Variants in SDK2 observed in about 807,000 individuals in gnomAD.
SDK2 encodes protein sidekick-2.
In SDK2, 105 loss-of-function variants were observed where a neutral mutation model predicts 253.9. The ratio of observed to expected loss-of-function variants is 0.41; its 90% CI spans 0.35 to 0.49. The LOEUF is 0.49. Ranked by LOEUF, SDK2 falls within the 20% of genes least tolerant of loss-of-function variation. The probability of loss-of-function intolerance (pLI) is 0.06; values close to 1 mark genes in which losing one functional copy is unlikely to be tolerated. For synonymous variants in SDK2, 1,249 were observed against 1,234.9 expected (o/e 1.01, Z -0.24); for missense variants, 2,608 against 3,003.0 (o/e 0.87, Z 3.07).
At chr17:73,445,530 C>T (rs1010942931) in intron 5 of SDK2, among the ~76,000 whole-genome samples, 18 of 152,086 alleles carry the variant, frequency 1.2e-4, no homozygotes, top group Non-Finnish European at 2.5e-4. Context: ...TTCTGAAGAG[C>T]ATAGGGTCCC....
At position 73,447,319 on chromosome 17, in the gene SDK2, C is replaced by T. The variant is rs1599574835; in HGVS notation, c.613+296G>A. ...ACATGCACACGCTCTTCCTCTGCCC[C>T]ACCCCTCCCTGGGTCCCTGGTAGCC... On this transcript the variant is annotated intron_variant, in intron 5 of 44. Coordinates refer to ENST00000392650, the MANE Select transcript of SDK2 (RefSeq NM_001144952.2). The surrounding 1 kb of genome is among the most constrained non-coding windows in gnomAD (Gnocchi z 4.0). 2.0e-5 allele frequency among the ~76,000 whole-genome samples: 3 copies of T among 152,304 alleles called. No individual in the cohort carries two copies. In the East Asian group the frequency reaches 5.8e-4, roughly 29 times the overall value.
intron 2 of SDK2, among the ~76,000 whole-genome samples, chr17:73,477,787 C>T (rs1199464393): frequency 1.3e-5 from 2 of 152,146 alleles, no homozygotes; most frequent in African/African-American, 2.4e-5. Context: ...TCCCAGTCAC[C>T]TCCATGTGCC....
chr17:73,425,798 C>T (rs2063276926), intron 12 of SDK2, among the ~76,000 whole-genome samples: 2 of 151,900 alleles, frequency 1.3e-5, no homozygotes, highest in Admixed American at 6.6e-5. Context: ...TGAGCCACCA[C>T]GCCTGGCCTT....
At chr17:73,582,580 G>T (rs942755631) in intron 1 of SDK2, among the ~76,000 whole-genome samples, 1 of 152,172 alleles carries the variant, frequency 6.6e-6, no homozygotes, top group Non-Finnish European at 1.5e-5. Context: ...GATAGCCGAG[G>T]GGCCAGGCTC....
At chr17:73,448,079 C>T (rs1279013129) in intron 4 of SDK2, among the ~76,000 whole-genome samples, 1 of 152,186 alleles carries the variant, frequency 6.6e-6, no homozygotes, top group African/African-American at 2.4e-5. Flanking sequence ...GGAATTCTGC[C>T]CTTTCCCAGG....
intron 1 of SDK2, among the ~76,000 whole-genome samples, chr17:73,578,261 C>T (rs2045484868): frequency 6.6e-6 from 1 of 152,062 alleles, no homozygotes; most frequent in South Asian, 2.1e-4. Flanking sequence ...GATGGGGTTT[C>T]ACCATGTTGG....
rs367822976 is a variant in SDK2, at chr17:73,431,455, C to A, written c.1480+47G>T. ...AGTCCTCAGCACCTACAGGGATGTA[C>A]ACACGCACACACAAATGTATAAAGC... On this transcript the variant is annotated intron_variant, in intron 11 of 44. Transcript: ENST00000392650. This position sits in a 1 kb window ranked among gnomAD's most constrained non-coding sequence, Gnocchi z 5.6. The A allele has an allele frequency of 4.5e-5, 71 of 1,564,372 alleles. No individual in the cohort carries two copies. The African/African-American group carries it at 8.9e-4, about 20-fold the overall frequency.
intron 1 of SDK2, among the ~76,000 whole-genome samples, chr17:73,582,099 G>A (rs1031475145): frequency 6.6e-6 from 1 of 152,238 alleles, no homozygotes; most frequent in Non-Finnish European, 1.5e-5. Context: ...TCTATGGCAG[G>A]AAGAGAAGAG....
rs1356234347 is a variant in SDK2, at chr17:73,443,424, G to A, written c.614-2501C>T. On this transcript the variant is annotated intron_variant, in intron 5 of 44. Transcript: ENST00000392650. The surrounding 1 kb of genome is among the most constrained non-coding windows in gnomAD (Gnocchi z 4.6). Reference sequence around the variant, plus strand: ...GTGTGCTCTAAGTTGTTTATTACATGCGGGGGCGCGCAGGTACCACGGCTC... The same window carrying A: ...GTGTGCTCTAAGTTGTTTATTACATACGGGGGCGCGCAGGTACCACGGCTC... Among the ~76,000 whole-genome samples, 8 of 151,328 alleles carry A rather than the reference G, an allele frequency of 5.3e-5. No homozygotes were observed. The highest frequency in any genetic ancestry group is 1.2e-4 in the Non-Finnish European group (8 of 68,048).
In SDK2 at chr17:73,352,386, G is replaced by T; in HGVS notation, c.5758+87C>A. On this transcript the variant is annotated intron_variant, in intron 41 of 44. Coordinates refer to ENST00000392650, the MANE Select transcript of SDK2 (RefSeq NM_001144952.2). The surrounding 1 kb of genome is among the most constrained non-coding windows in gnomAD (Gnocchi z 4.1). The stretch of plus-strand genomic sequence containing the variant: ...CCCGCCCCATGCTCCTGGTGCCCTG[G>T]TGCCTCTCCTCCTTCCGCCCTGCCC... 1 of 1,471,852 alleles carries T rather than the reference G, an allele frequency of 6.8e-7. No individual in the cohort carries two copies. Among genetic ancestry groups the T allele is most frequent in the Non-Finnish European group, 9.1e-7 (1 of 1,092,988 alleles). 91.2% of individuals were successfully genotyped at this position (1,471,852 alleles called of 1,614,324 possible). A position where few individuals can be genotyped will look rare whatever the true frequency, so the allele number is the denominator to read the frequency against.
At position 73,435,767 on chromosome 17, in the gene SDK2, T is replaced by A; in HGVS notation, c.1001-123A>T. The A allele has an allele frequency of 2.3e-6, 2 of 857,508 alleles. No homozygotes were observed. The highest frequency in any genetic ancestry group is 3.5e-6 in the Non-Finnish European group (2 of 571,754). 53.1% of individuals were successfully genotyped at this position (857,508 alleles called of 1,614,324 possible). ...GGGGTCCCTGGTGAATCTTGGTGTC[T>A]AGAACCTTCTCAGAGGTGCCACTTT... On this transcript the variant is annotated intron_variant, in intron 8 of 44. Transcript: ENST00000392650. This position sits in a 1 kb window ranked among gnomAD's most constrained non-coding sequence, Gnocchi z 5.7.
chr17:73,610,011 G>T (rs899201839), intron 1 of SDK2, among the ~76,000 whole-genome samples: 11 of 152,184 alleles, frequency 7.2e-5, no homozygotes, highest in South Asian at 2.1e-4. Context: ...TGGAAGCAGG[G>T]TCCCCCACAA....
chr17:73,369,215 C>T (rs75719526), intron 36 of SDK2: 6,272 of 469,028 alleles, frequency 0.013, 187 homozygotes, highest in East Asian at 0.097. Flanking sequence ...AAAGCAAATC[C>T]GTCCTACGGG....
intron 1 of SDK2, among the ~76,000 whole-genome samples, chr17:73,510,877 C>A (rs938741483): frequency 2.0e-5 from 3 of 152,180 alleles, no homozygotes; most frequent in Non-Finnish European, 2.9e-5. Context: ...GTGAACGCAG[C>A]GTCTTAAAAA....
intron 36 of SDK2, among the ~76,000 whole-genome samples, chr17:73,372,159 G>T (rs1367782309): frequency 1.3e-5 from 2 of 152,174 alleles, no homozygotes; most frequent in African/African-American, 4.8e-5. Flanking sequence ...AGGCACTCCG[G>T]CAGGTGCATC....
At chr17:73,423,551 C>T (rs1220637477) in intron 13 of SDK2, 29 bp from the exon 14 acceptor site, 1 of 1,505,684 alleles carries the variant, frequency 6.6e-7, no homozygotes, top group South Asian at 1.4e-5. Context: ...GTCAGGCATC[C>T]CTATGTGGTC....
rs1364469136 is a variant in SDK2, at chr17:73,401,658, G to A, written c.2775C>T (p.Leu925=). 1.3e-6 allele frequency: 2 copies of A among 1,587,594 alleles called. No individual in the cohort carries two copies. The highest frequency in any genetic ancestry group is 1.8e-5 in the Admixed American group (1 of 56,724). The part of the protein sequence containing the change: ...WQEPGEKNGI[L]TGYRISWEEY... ...CAGAAACACTGCAGTGCCTACCTGT[G>A]AGGATGCCATTTTTCTCTCCCGGCT... The change falls in exon 20 of 45, where the codon CTC becomes CTT. Residue 925 remains leucine, a synonymous_variant. Transcript: ENST00000392650.
At chr17:73,500,009 A>G (rs1599624163) in intron 2 of SDK2, among the ~76,000 whole-genome samples, 1 of 152,214 alleles carries the variant, frequency 6.6e-6, no homozygotes, top group Middle Eastern at 3.4e-3. Flanking sequence ...GGACAAAATC[A>G]TCTGGTTGAT....
chr17:73,411,966 A>ATACGTATATATATATCTACGTATATATC (rs2063130340), intron 18 of SDK2, among the ~76,000 whole-genome samples: 2 of 96,272 alleles, frequency 2.1e-5, no homozygotes, highest in African/African-American at 9.3e-5. Flanking sequence ...ATATATATAT[A>ATACGTATATATATATCTACGTATATATC]TACGTATATA....
Sources: gnomAD v4.1 joint callset for allele counts (sites outside exome capture counted in the v4.1 genomes callset) on GRCh38, gnomAD v4.1.1 for gene constraint, Gnocchi (gnomAD v3.1) non-coding constraint, MANE v1.5 for transcripts, NCBI Gene and HGNC (gene_info 2026-07-23, HGNC 2026-07-21) for gene names.